The following FBP1 variants were observed in gnomAD, a reference collection of about 807,000 sequenced individuals.
The protein encoded by FBP1 is fructose-bisphosphatase 1, also known as fructose-1,6-bisphosphatase 1.
In FBP1, 22 loss-of-function variants were observed where a neutral mutation model predicts 29.9. That is an observed-to-expected ratio of 0.74 (90% CI 0.53 to 1.05). The LOEUF (loss-of-function observed/expected upper bound fraction) is 1.05, where lower values mean the gene tolerates loss of function less well. FBP1 is among the 50% of genes least tolerant of loss of function. FBP1 has a pLI of 0.00. For missense variants in FBP1, 345 were observed against 448.2 expected (o/e 0.77, Z 2.08); for synonymous variants, 175 against 178.6 (o/e 0.98, Z 0.16).
rs770051809 is a variant in FBP1 at position 94,639,358 on chromosome 9, G to A, written c.-48C>T. 64 of 1,573,516 alleles carry A rather than the reference G, an allele frequency of 4.1e-5. No homozygotes were observed. The highest frequency in any genetic ancestry group is 4.8e-5 in the Non-Finnish European group (56 of 1,159,156). On this transcript the variant is annotated 5_prime_UTR_variant, in exon 1 of 7. Transcript: ENST00000375326. ...GGCTGCAGGTGCAAGCGGCAGGTGC[G>A]GGGCTGCAGGTGCGGGCGGCAAGAG...
chr9:94,639,265 G>A lies in FBP1; in HGVS notation c.46C>T (p.Arg16Cys). 1 of 1,606,038 alleles carries A rather than the reference G, an allele frequency of 6.2e-7. No individual in the cohort carries two copies. Among genetic ancestry groups the A allele is most frequent in the Non-Finnish European group, 8.5e-7 (1 of 1,176,512 alleles). Residue 16 changes from arginine to cysteine, a missense_variant, in exon 1 of 7, where the codon CGC (arginine) becomes TGC (cysteine). Transcript: ENST00000375326. ...PFDTDVNTLTRFVMEEGRKAR... is the reference protein window; with the variant it reads ...PFDTDVNTLTCFVMEEGRKAR... Reference sequence around the variant, plus strand: ...TTCCTGCCCTCCTCCATGACGAAGCGGGTCAGGGTGTTGACGTCCGTGTCG... The same window carrying A: ...TTCCTGCCCTCCTCCATGACGAAGCAGGTCAGGGTGTTGACGTCCGTGTCG...
intron 6 of FBP1, chr9:94,604,100 A>T (rs1827655453): frequency 5.5e-6 from 1 of 183,208 alleles, no homozygotes; most frequent in East Asian, 1.3e-4. Context: ...TCAGTGTATT[A>T]TACGTCTTGG....
At chr9:94,617,658 C>T in intron 3 of FBP1, 110 bp downstream of exon 3, 3 of 746,660 alleles carry the variant, frequency 4.0e-6, no homozygotes, top group Non-Finnish European at 4.8e-6. Context: ...CTACTTCAGT[C>T]TCACAGTTTC....
rs1477935572 is a variant in FBP1 at position 94,620,524 on chromosome 9, A to G, written c.171-33T>C. ...GAACAAAAGCCACAAAAAATAAGCC[A>G]TGACCACCAGAACATGTAGATGAGT... On this transcript the variant is annotated intron_variant, in intron 1 of 6. Coordinates refer to ENST00000375326, the MANE Select transcript of FBP1 (RefSeq NM_000507.4). 7 of 1,610,228 alleles carry G rather than the reference A, an allele frequency of 4.3e-6. No individual in the cohort carries two copies. In the African/African-American group the frequency reaches 5.3e-5, roughly 12 times the overall value.
chr9:94,605,047 C>T (rs1827676652), intron 6 of FBP1, among the ~76,000 whole-genome samples: 1 of 152,142 alleles, frequency 6.6e-6, no homozygotes, highest in African/African-American at 2.4e-5. Flanking sequence ...TCACTAGTTA[C>T]CTCTGTTTTA....
At chr9:94,639,080 G>C in intron 1 of FBP1, 61 bp downstream of exon 1, 2 of 1,527,252 alleles carry the variant, frequency 1.3e-6, no homozygotes, top group Non-Finnish European at 1.8e-6. Context: ...ACGTCAGCCC[G>C]CCGGGCAGGC....
At chr9:94,638,142 C>T (rs955132080) in intron 1 of FBP1, among the ~76,000 whole-genome samples, 3 of 149,424 alleles carry the variant, frequency 2.0e-5, no homozygotes, top group East Asian at 2.0e-4. Context: ...CCAACACAAA[C>T]GAAAGGATGT....
chr9:94,605,379 C>G, intron 6 of FBP1, 78 bp downstream of exon 6: 1 of 1,527,574 alleles, frequency 6.5e-7, no homozygotes, highest in East Asian at 2.4e-5. Flanking sequence ...CTAGCAAAAC[C>G]TTTCTTCTTC....
chr9:94,620,352 T>C lies in FBP1; in HGVS notation c.310A>G (p.Ile104Val). The change falls in exon 2 of 7, where the codon ATC becomes GTC. Residue 104 changes from isoleucine to valine, a missense_variant. Ile to Val is a conservative substitution (Grantham distance 29). Transcript: ENST00000375326. ...ACCCTTTTCTCCGGTTCCACTATGA[T>C]GGCGTGTTTATCTTCTTCTGACACG... is the stretch of plus-strand genomic sequence containing the variant. ...VLVSEEDKHAIIVEPEKRGKY... is the reference protein window; with the variant it reads ...VLVSEEDKHAVIVEPEKRGKY... 6.2e-7 allele frequency: 1 copy of C among 1,614,226 alleles called. No homozygotes were observed. The highest frequency in any genetic ancestry group is 8.5e-7 in the Non-Finnish European group (1 of 1,180,048).
chr9:94,613,907 G>A (rs1025934120), intron 3 of FBP1, among the ~76,000 whole-genome samples: 3 of 150,250 alleles, frequency 2.0e-5, no homozygotes, highest in Admixed American at 6.7e-5. Flanking sequence ...GTGAAACCCC[G>A]TCTCTACTAA....
chr9:94,636,450 C>T (rs1411221879), intron 1 of FBP1, among the ~76,000 whole-genome samples: 6 of 152,098 alleles, frequency 3.9e-5, no homozygotes, highest in Non-Finnish European at 7.4e-5. Context: ...TGCACTCCAG[C>T]CTGGGCAACA....
chr9:94,639,163 G>A lies in FBP1; in HGVS notation c.148C>T (p.Arg50Cys). 1 of 1,603,562 alleles carries A rather than the reference G, an allele frequency of 6.2e-7. No individual in the cohort carries two copies. The highest frequency in any genetic ancestry group is 8.5e-7 in the Non-Finnish European group (1 of 1,175,496). The change falls in exon 1 of 7, where the codon CGC (arginine) becomes TGC (cysteine). Residue 50 changes from arginine to cysteine, a missense_variant. By Grantham distance (180) the Arg-to-Cys change is radical. Transcript: ENST00000375326. ...TAVKAISSAV[R>C]KAGIAHLYGI... ...CACAGGTGCGCGATGCCCGCCTTGC[G>A]CACCGCCGAAGAGATGGCTTTGACT... is the stretch of plus-strand genomic sequence containing the variant.
intron 1 of FBP1, among the ~76,000 whole-genome samples, chr9:94,625,848 C>T (rs2131495982): frequency 6.6e-6 from 1 of 152,080 alleles, no homozygotes; most frequent in African/African-American, 2.4e-5. Context: ...GGACCCTCAC[C>T]ACCTGCAAGG....
chr9:94,618,008 T>A, intron 2 of FBP1, 148 bp from the exon 3 acceptor site: 1 of 680,810 alleles, frequency 1.5e-6, no homozygotes, highest in East Asian at 2.7e-5. Context: ...AGGCATGAGA[T>A]GGCATACAGA....
chr9:94,617,692 G>T, intron 3 of FBP1, 76 bp downstream of exon 3: 2 of 941,444 alleles, frequency 2.1e-6, no homozygotes, highest in Non-Finnish European at 3.5e-6. Context: ...CGGCTGCTCT[G>T]CCACAGTGAA....
At chr9:94,625,767 C>A (rs1385669503) in intron 1 of FBP1, among the ~76,000 whole-genome samples, 4 of 152,176 alleles carry the variant, frequency 2.6e-5, no homozygotes, top group African/African-American at 9.7e-5. Context: ...TGCGCTCCAG[C>A]CTGGGCGACA....
chr9:94,620,829 G>A (rs1827935998), intron 1 of FBP1, among the ~76,000 whole-genome samples: 1 of 152,180 alleles, frequency 6.6e-6, no homozygotes, highest in Admixed American at 6.5e-5. Flanking sequence ...AGATTGATGG[G>A]TGCAGCAAAC....
intron 6 of FBP1, among the ~76,000 whole-genome samples, chr9:94,604,386 C>T (rs1359411509): frequency 6.6e-6 from 1 of 151,858 alleles, no homozygotes; most frequent in Non-Finnish European, 1.5e-5. Flanking sequence ...AATAGAAATG[C>T]CTTCATTCTG....
intron 3 of FBP1, among the ~76,000 whole-genome samples, chr9:94,613,622 G>A (rs1827817893): frequency 6.6e-6 from 1 of 152,032 alleles, no homozygotes; most frequent in Non-Finnish European, 1.5e-5. Context: ...ACAAAAATTA[G>A]CCAGGTGTGG....
Sources: gnomAD v4.1 joint callset for allele counts (sites outside exome capture counted in the v4.1 genomes callset) on GRCh38, gnomAD v4.1.1 for gene constraint, MANE v1.5 for transcripts, NCBI Gene and HGNC (gene_info 2026-07-23, HGNC 2026-07-21) for gene names.